The following SH3PXD2A variants were observed in gnomAD, a reference collection of about 807,000 sequenced individuals.
SH3PXD2A encodes SH3 and PX domains 2A, also known as SH3 and PX domain-containing protein 2A.
SH3PXD2A carries 32 observed loss-of-function variants against 115.2 expected under a neutral mutation model. That is an observed-to-expected ratio of 0.28 (90% CI 0.21 to 0.37). SH3PXD2A has a LOEUF of 0.37. Ranked by LOEUF, SH3PXD2A falls within the 10% of genes least tolerant of loss-of-function variation. The pLI, the probability that SH3PXD2A is intolerant of heterozygous loss-of-function variation, is 1.00. For synonymous variants in SH3PXD2A, 610 were observed against 629.1 expected, an observed-to-expected ratio of 0.97 and a Z score of 0.45; for missense variants, 1,328 against 1,498.7, an observed-to-expected ratio of 0.89 and a Z score of 1.88.
At chr10:103,736,251 GT>G (rs2038379395) in intron 3 of SH3PXD2A, among the ~76,000 whole-genome samples, 1 of 152,268 alleles carries the variant, frequency 6.6e-6, no homozygotes, top group African/African-American at 2.4e-5. Flanking sequence ...CCTATTCTTA[GT>G]TTAGGTGGGT....
chr10:103,626,713 G>C (rs1169120254), intron 9 of SH3PXD2A, among the ~76,000 whole-genome samples: 1 of 151,294 alleles, frequency 6.6e-6, no homozygotes, highest in Non-Finnish European at 1.5e-5. Flanking sequence ...GATCGCTTGA[G>C]CCCAGGAGTT....
At chr10:103,838,566 G>A (rs1207071769) in intron 1 of SH3PXD2A, among the ~76,000 whole-genome samples, 2 of 144,614 alleles carry the variant, frequency 1.4e-5, no homozygotes, top group Admixed American at 6.8e-5. Context: ...TCACTAATGT[G>A]TCAGAAGGCA....
In SH3PXD2A at chr10:103,600,102, A is replaced by G. The variant is rs918850036; in HGVS notation, c.*1714T>C. ...GGTGAGGGAGGGCCTTTCCTCCTCT[A>G]TAGAAAACACCAACCCCCAGTCCAG... On this transcript the variant is annotated 3_prime_UTR_variant, in exon 15 of 15. Coordinates refer to ENST00000369774, the MANE Select transcript of SH3PXD2A (RefSeq NM_001394015.1). 2 of 152,566 alleles carry G rather than the reference A, an allele frequency of 1.3e-5. No homozygotes were observed. The highest frequency in any genetic ancestry group is 2.9e-5 in the Non-Finnish European group (2 of 68,030). The allele number at this position is 152,566 out of a possible 1,614,324, so 9.5% of individuals were successfully genotyped here.
intron 1 of SH3PXD2A, among the ~76,000 whole-genome samples, chr10:103,821,950 C>T (rs1392693567): frequency 1.3e-5 from 2 of 151,374 alleles, no homozygotes; most frequent in African/African-American, 4.9e-5. Flanking sequence ...GTCACCCAGG[C>T]TGGAGTGCAG....
chr10:103,735,846 A>C (rs2038373949), intron 3 of SH3PXD2A, 38 bp from the exon 4 acceptor site: 2 of 1,546,944 alleles, frequency 1.3e-6, no homozygotes, highest in South Asian at 2.2e-5. Flanking sequence ...GATTCTGGCT[A>C]AAACTGCTAC....
At chr10:103,816,463 T>C (rs1006657268) in intron 1 of SH3PXD2A, among the ~76,000 whole-genome samples, 2 of 152,184 alleles carry the variant, frequency 1.3e-5, no homozygotes, top group African/African-American at 4.8e-5. Flanking sequence ...GAAATATCAT[T>C]TCACATGCAC....
chr10:103,835,196 G>A (rs1452649679), intron 1 of SH3PXD2A, among the ~76,000 whole-genome samples: 15 of 152,206 alleles, frequency 9.9e-5, no homozygotes, highest in Admixed American at 7.2e-4. Context: ...CAAAGGGTAC[G>A]AAAGGCCCAG....
intron 6 of SH3PXD2A, among the ~76,000 whole-genome samples, chr10:103,681,905 C>T (rs2037615599): frequency 6.6e-6 from 1 of 152,186 alleles, no homozygotes; most frequent in Admixed American, 6.5e-5. Flanking sequence ...TGGTGAAACC[C>T]TGTCTCTTAA....
At chr10:103,777,654 G>A (rs1483950766) in intron 2 of SH3PXD2A, among the ~76,000 whole-genome samples, 1 of 152,174 alleles carries the variant, frequency 6.6e-6, no homozygotes. Flanking sequence ...TGCCCAAAAG[G>A]TGCCCAAGTA....
At chr10:103,806,601 GAT>G (rs2039205297) in intron 1 of SH3PXD2A, among the ~76,000 whole-genome samples, 1 of 152,194 alleles carries the variant, frequency 6.6e-6, no homozygotes, top group Non-Finnish European at 1.5e-5. Flanking sequence ...GAGCAGTCAA[GAT>G]AACATTACCC....
intron 1 of SH3PXD2A, among the ~76,000 whole-genome samples, chr10:103,822,702 C>T (rs1201975674): frequency 2.0e-5 from 3 of 152,234 alleles, no homozygotes; most frequent in Non-Finnish European, 4.4e-5. Flanking sequence ...ACCAAGCCCC[C>T]TTAGAGAATA....
At chr10:103,826,787 T>C (rs1312168539) in intron 1 of SH3PXD2A, among the ~76,000 whole-genome samples, 1 of 152,244 alleles carries the variant, frequency 6.6e-6, no homozygotes, top group African/African-American at 2.4e-5. Context: ...TGATATGGTG[T>C]GTGGCACACA....
chr10:103,618,792 T>G (rs2036559672), intron 10 of SH3PXD2A, among the ~76,000 whole-genome samples: 1 of 152,152 alleles, frequency 6.6e-6, no homozygotes, highest in Non-Finnish European at 1.5e-5. Flanking sequence ...CCCCCTGGGC[T>G]CCTTGGCTGG....
At chr10:103,839,521 C>T (rs375479118) in intron 1 of SH3PXD2A, among the ~76,000 whole-genome samples, 1 of 152,136 alleles carries the variant, frequency 6.6e-6, no homozygotes, top group Non-Finnish European at 1.5e-5. Context: ...TTATTATCAA[C>T]GTTTTACAGA....
chr10:103,833,659 G>A (rs2039503248), intron 1 of SH3PXD2A, among the ~76,000 whole-genome samples: 1 of 152,206 alleles, frequency 6.6e-6, no homozygotes. Flanking sequence ...GCTTGAGATT[G>A]TTTCAGCTGG....
At chr10:103,667,243 C>T (rs987995118) in intron 7 of SH3PXD2A, among the ~76,000 whole-genome samples, 4 of 152,162 alleles carry the variant, frequency 2.6e-5, no homozygotes, top group Middle Eastern at 3.2e-3. Context: ...CATCTTGAGA[C>T]GTGGTTAAGT....
At chr10:103,785,121 G>C (rs1045193401) in intron 2 of SH3PXD2A, among the ~76,000 whole-genome samples, 6 of 152,168 alleles carry the variant, frequency 3.9e-5, no homozygotes, top group African/African-American at 1.4e-4. Context: ...ATATTCAAGG[G>C]CCAGCAAAGC....
intron 7 of SH3PXD2A, 131 bp downstream of exon 7, chr10:103,668,477 C>A (rs2037413186): frequency 3.8e-6 from 3 of 797,110 alleles, no homozygotes; most frequent in South Asian, 3.3e-5. Context: ...AAGTGGCAGA[C>A]CCCCTGCCAT....
chr10:103,822,053 A>G (rs1270536815), intron 1 of SH3PXD2A, among the ~76,000 whole-genome samples: 1 of 151,852 alleles, frequency 6.6e-6, no homozygotes, highest in East Asian at 1.9e-4. Flanking sequence ...ACAGGCATGC[A>G]CCACCATCCC....
Sources: allele counts gnomAD v4.1 joint callset (sites outside exome capture counted in the v4.1 genomes callset), GRCh38; gene constraint gnomAD v4.1.1; transcripts MANE v1.5; gene names NCBI Gene and HGNC (gene_info 2026-07-23, HGNC 2026-07-21).